SPOCK1: variants seen among roughly 807,000 people sequenced by gnomAD.
The protein encoded by SPOCK1 is SPARC (osteonectin), cwcv and kazal like domains proteoglycan 1.
SPOCK1 carries 23 observed loss-of-function variants against 55.3 expected under a neutral mutation model. That is an observed-to-expected ratio of 0.42 (90% CI 0.30 to 0.59). SPOCK1 has a LOEUF of 0.59. Ranked by LOEUF, SPOCK1 falls within the 20% of genes least tolerant of loss-of-function variation. The pLI is 0.22. For synonymous variants in SPOCK1, 226 were observed against 221.0 expected (o/e 1.02, Z -0.20); for missense variants, 499 against 552.5 (o/e 0.90, Z 0.97).
chr5:137,459,207 T>A (rs889474928), intron 2 of SPOCK1, among the ~76,000 whole-genome samples: 2 of 152,076 alleles, frequency 1.3e-5, no homozygotes, highest in African/African-American at 4.8e-5. Flanking sequence ...GACCTATTAT[T>A]GAATTCAAGA....
intron 5 of SPOCK1, among the ~76,000 whole-genome samples, chr5:137,073,852 G>A (rs1675955267): frequency 6.6e-6 from 1 of 152,174 alleles, no homozygotes; most frequent in Admixed American, 6.5e-5. Context: ...GTCTTAAAAT[G>A]TCTCCTTATA....
At chr5:137,153,219 G>A (rs185121116) in intron 3 of SPOCK1, among the ~76,000 whole-genome samples, 51 of 152,348 alleles carry the variant, frequency 3.3e-4, no homozygotes, top group African/African-American at 1.1e-3. Context: ...TAAAGGACAT[G>A]TTCAGTTAAT....
chr5:137,154,404 G>A (rs1269315311), intron 3 of SPOCK1, among the ~76,000 whole-genome samples: 2 of 152,242 alleles, frequency 1.3e-5, no homozygotes, highest in African/African-American at 4.8e-5. Flanking sequence ...GACAGAGCCA[G>A]TGTTTTGAAG....
intron 2 of SPOCK1, among the ~76,000 whole-genome samples, chr5:137,463,473 A>C (rs777073278): frequency 4.2e-4 from 63 of 151,276 alleles, no homozygotes; most frequent in South Asian, 8.5e-4. Context: ...AAAACCATTG[A>C]ACTAATGGAG....
At chr5:137,368,011 C>A (rs1052388653) in intron 2 of SPOCK1, among the ~76,000 whole-genome samples, 2 of 152,240 alleles carry the variant, frequency 1.3e-5, no homozygotes, top group East Asian at 3.8e-4. Flanking sequence ...CAACCGCCCC[C>A]AAAAGGCAGT....
intron 3 of SPOCK1, among the ~76,000 whole-genome samples, chr5:137,168,629 G>A (rs761468874): frequency 3.3e-5 from 5 of 152,114 alleles, no homozygotes; most frequent in African/African-American, 4.8e-5. Flanking sequence ...GATCATCAGC[G>A]AAATGCAAAT....
chr5:136,987,298 T>TACCTATGACCAG (rs892522127), intron 8 of SPOCK1, among the ~76,000 whole-genome samples: 1 of 152,070 alleles, frequency 6.6e-6, no homozygotes, highest in African/African-American at 2.4e-5. Context: ...ATATTTACAA[T>TACCTATGACCAG]ACCTATGACC....
chr5:137,099,147 T>A (rs2127024108), intron 5 of SPOCK1, among the ~76,000 whole-genome samples: 1 of 152,324 alleles, frequency 6.6e-6, no homozygotes, highest in Middle Eastern at 3.4e-3. Context: ...GTCACCTCCA[T>A]TTTCTGACAT....
chr5:137,398,389 C>G (rs1375083210), intron 2 of SPOCK1, among the ~76,000 whole-genome samples: 10 of 152,268 alleles, frequency 6.6e-5, no homozygotes, highest in Admixed American at 4.6e-4. Flanking sequence ...CTCAGCTTCC[C>G]CAGGAAAAGC....
At chr5:137,469,536 T>C (rs1753689028) in intron 2 of SPOCK1, among the ~76,000 whole-genome samples, 1 of 151,978 alleles carries the variant, frequency 6.6e-6, no homozygotes, top group African/African-American at 2.4e-5. Context: ...TGGGAAACAA[T>C]GAGTTGAAAA....
intron 6 of SPOCK1, chr5:136,993,156 CAGAT>C (rs965679767): frequency 6.6e-6 from 1 of 152,280 alleles, no homozygotes; most frequent in African/African-American, 2.4e-5. Context: ...CCACTGTAAA[CAGAT>C]GGATGCCTTC....
intron 2 of SPOCK1, among the ~76,000 whole-genome samples, chr5:137,378,575 C>G (rs1751382889): frequency 6.6e-6 from 1 of 152,236 alleles, no homozygotes; most frequent in Non-Finnish European, 1.5e-5. Flanking sequence ...GGAAACCCCA[C>G]CTGAGCCAGA....
intron 3 of SPOCK1, among the ~76,000 whole-genome samples, chr5:137,174,131 G>A (rs1189983031): frequency 1.3e-5 from 2 of 152,164 alleles, no homozygotes; most frequent in East Asian, 3.9e-4. Flanking sequence ...TTTAAATCAA[G>A]TGAGCAAGCC....
At position 137,330,557 on chromosome 5, in the gene SPOCK1, A is replaced by C. The variant is rs189963668; in HGVS notation, c.187-63502T>G. ...GAATGTGAATGCAAGGCTGATACTT[A>C]GGTATGTAACTTGCTTTAAGTTCTT... On this transcript the variant is annotated intron_variant, in intron 2 of 10. Coordinates refer to ENST00000394945, the MANE Select transcript of SPOCK1 (RefSeq NM_004598.4). Among the ~76,000 whole-genome samples the C allele has an allele frequency of 2.6e-3, 400 of 152,374 alleles. 5 individuals carry two copies. The highest frequency in any genetic ancestry group is 9.0e-3 in the African/African-American group (376 of 41,586).
chr5:137,382,917 G>C (rs899379091), intron 2 of SPOCK1, among the ~76,000 whole-genome samples: 2 of 152,176 alleles, frequency 1.3e-5, no homozygotes, highest in African/African-American at 4.8e-5. Flanking sequence ...GCCAGGACTG[G>C]TTAAAATGAT....
intron 5 of SPOCK1, among the ~76,000 whole-genome samples, chr5:137,082,950 G>A (rs1752899716): frequency 6.6e-6 from 1 of 152,138 alleles, no homozygotes; most frequent in South Asian, 2.1e-4. Flanking sequence ...ATTAACGAAG[G>A]CCAACTGTGA....
At chr5:137,028,424 G>A (rs142761704) in intron 6 of SPOCK1, among the ~76,000 whole-genome samples, 11 of 152,302 alleles carry the variant, frequency 7.2e-5, no homozygotes, top group African/African-American at 2.2e-4. Flanking sequence ...AGGGCCAGTG[G>A]CTTTGAGCAT....
intron 7 of SPOCK1, chr5:136,988,865 A>T (rs1404786994): frequency 2.2e-6 from 1 of 456,436 alleles, no homozygotes; most frequent in Non-Finnish European, 3.9e-6. Context: ...TGAGGAAAAT[A>T]TGTTCTAAAG....
chr5:137,392,545 T>C (rs1235043202), intron 2 of SPOCK1, among the ~76,000 whole-genome samples: 2 of 152,238 alleles, frequency 1.3e-5, no homozygotes, highest in Non-Finnish European at 2.9e-5. Context: ...CTCTGGAGAC[T>C]GACTGCATGG....
Sources: gnomAD v4.1 joint callset for allele counts (sites outside exome capture counted in the v4.1 genomes callset) on GRCh38, gnomAD v4.1.1 for gene constraint, MANE v1.5 for transcripts, NCBI Gene and HGNC (gene_info 2026-07-23, HGNC 2026-07-21) for gene names.